The following SORCS3 variants were observed in gnomAD, a reference collection of about 807,000 sequenced individuals.
SORCS3 encodes the protein sortilin related VPS10 domain containing receptor 3.
A neutral mutation model predicts 146.3 loss-of-function variants in SORCS3; 57 were observed. The observed-to-expected ratio is 0.39, with a 90% CI of 0.31 to 0.49. The LOEUF (loss-of-function observed/expected upper bound fraction) is 0.49. Ranked by LOEUF, SORCS3 falls within the 20% of genes least tolerant of loss-of-function variation. The pLI, the probability that SORCS3 is intolerant of heterozygous loss-of-function variation, is 0.92. For synonymous variants in SORCS3, 653 were observed against 618.5 expected (o/e 1.06, Z -0.83); for missense variants, 1,341 against 1,575.5 (o/e 0.85, Z 2.52).
chr10:104,761,670 G>A (rs879779078), intron 1 of SORCS3, among the ~76,000 whole-genome samples: 1 of 152,162 alleles, frequency 6.6e-6, no homozygotes, highest in Non-Finnish European at 1.5e-5. Flanking sequence ...TTTTGAAGAT[G>A]CAAATTTCCC....
chr10:105,042,592 A>G (rs2055344909), intron 4 of SORCS3, among the ~76,000 whole-genome samples: 1 of 152,180 alleles, frequency 6.6e-6, no homozygotes, highest in Non-Finnish European at 1.5e-5. Flanking sequence ...TTGCAAAAAC[A>G]TAGGAGTGTG....
chr10:105,014,893 G>T (rs1465430299), intron 4 of SORCS3, among the ~76,000 whole-genome samples: 1 of 152,156 alleles, frequency 6.6e-6, no homozygotes, highest in Non-Finnish European at 1.5e-5. Flanking sequence ...CACTGTATCT[G>T]CTGGTATCTT....
At chr10:105,223,791 A>G (rs1380506838) in intron 20 of SORCS3, among the ~76,000 whole-genome samples, 1 of 152,140 alleles carries the variant, frequency 6.6e-6, no homozygotes, top group Non-Finnish European at 1.5e-5. Flanking sequence ...CTTGCCATAT[A>G]CTCCCTACTT....
chr10:104,845,299 C>G (rs1422432458), intron 2 of SORCS3, among the ~76,000 whole-genome samples: 1 of 152,132 alleles, frequency 6.6e-6, no homozygotes, highest in Non-Finnish European at 1.5e-5. Context: ...CACATCTAAG[C>G]TTGTAGAGAG....
chr10:104,643,150 C>G (rs1047449809), intron 1 of SORCS3, among the ~76,000 whole-genome samples: 1 of 152,188 alleles, frequency 6.6e-6, no homozygotes, highest in Admixed American at 6.5e-5. Flanking sequence ...ACGCTCCAGG[C>G]GGAGGATGAC....
chr10:104,771,001 C>T (rs1320917107), intron 1 of SORCS3, among the ~76,000 whole-genome samples: 1 of 152,156 alleles, frequency 6.6e-6, no homozygotes, highest in Non-Finnish European at 1.5e-5. Flanking sequence ...GCCTTCTAAA[C>T]TGGTGCATAT....
intron 1 of SORCS3, among the ~76,000 whole-genome samples, chr10:104,797,507 T>C (rs543848453): frequency 6.6e-6 from 1 of 152,216 alleles, no homozygotes; most frequent in Admixed American, 6.5e-5. Context: ...GGCTGATTTT[T>C]TTTTTTTTAA....
chr10:105,004,837 T>A (rs959805700), intron 4 of SORCS3, among the ~76,000 whole-genome samples: 1 of 151,486 alleles, frequency 6.6e-6, no homozygotes, highest in Non-Finnish European at 1.5e-5. Context: ...GGGGAGTGCA[T>A]CGAGAATGCA....
intron 1 of SORCS3, among the ~76,000 whole-genome samples, chr10:104,754,857 G>C (rs929772281): frequency 2.0e-5 from 3 of 152,212 alleles, no homozygotes; most frequent in Admixed American, 6.5e-5. Flanking sequence ...AGTCATTAGA[G>C]GATGGCAATT....
chr10:104,964,881 C>T (rs946143714), intron 3 of SORCS3, among the ~76,000 whole-genome samples: 2 of 152,150 alleles, frequency 1.3e-5, no homozygotes, highest in African/African-American at 2.4e-5. Flanking sequence ...TTTCTCTCTC[C>T]GCCTAGCCTT....
At chr10:104,728,238 G>T (rs1283417095) in intron 1 of SORCS3, among the ~76,000 whole-genome samples, 2 of 151,968 alleles carry the variant, frequency 1.3e-5, no homozygotes, top group African/African-American at 2.4e-5. Context: ...ATGCTTAGAA[G>T]TAGAATTTCT....
At chr10:104,847,799 A>G (rs1468411808) in intron 2 of SORCS3, among the ~76,000 whole-genome samples, 2 of 152,122 alleles carry the variant, frequency 1.3e-5, no homozygotes, top group East Asian at 3.9e-4. Flanking sequence ...CACCCACCCT[A>G]GTAGTATGGG....
intron 6 of SORCS3, among the ~76,000 whole-genome samples, chr10:105,099,470 CG>C (rs749095233): frequency 6.6e-5 from 10 of 152,104 alleles, no homozygotes; most frequent in East Asian, 5.8e-4. Flanking sequence ...AACATAATCA[CG>C]GGACACCATG....
intron 1 of SORCS3, among the ~76,000 whole-genome samples, chr10:104,778,326 A>G (rs2017336254): frequency 2.0e-5 from 3 of 152,190 alleles, no homozygotes. Flanking sequence ...CTCTGCTTCA[A>G]AGGTGCTTCT....
chr10:104,758,767 T>C (rs979416184), intron 1 of SORCS3, among the ~76,000 whole-genome samples: 2 of 152,106 alleles, frequency 1.3e-5, no homozygotes, highest in African/African-American at 4.8e-5. Flanking sequence ...TTTTAGTCCT[T>C]CTCCCAAGCA....
At chr10:105,226,420 G>A (rs988355586) in intron 20 of SORCS3, among the ~76,000 whole-genome samples, 12 of 151,834 alleles carry the variant, frequency 7.9e-5, no homozygotes, top group African/African-American at 2.9e-4. Context: ...TGATCTTGAT[G>A]TATATTTTTT....
chr10:105,126,412 A>G (rs1304229647), intron 7 of SORCS3, among the ~76,000 whole-genome samples: 1 of 152,134 alleles, frequency 6.6e-6, no homozygotes, highest in Non-Finnish European at 1.5e-5. Flanking sequence ...GTTATGTAGA[A>G]CAATTCAGCC....
intron 14 of SORCS3, among the ~76,000 whole-genome samples, chr10:105,181,861 A>G (rs2056444761): frequency 1.3e-5 from 2 of 152,188 alleles, no homozygotes; most frequent in Non-Finnish European, 2.9e-5. Context: ...TCTTTGGTCC[A>G]CTATTTCATG....
rs939293149 is a variant in SORCS3 at position 105,034,012 on chromosome 10, G to A, written c.955-9043G>A. On this transcript the variant is annotated intron_variant, in intron 4 of 26. Coordinates refer to ENST00000369701, the MANE Select transcript of SORCS3 (RefSeq NM_014978.3). Reference sequence around the variant, plus strand: ...TGAACATCTGCTCTTCCCATACCTGGCACAGTATTAAGCACTTGGGGTTAT... The same window carrying A: ...TGAACATCTGCTCTTCCCATACCTGACACAGTATTAAGCACTTGGGGTTAT... 4.6e-5 allele frequency among the ~76,000 whole-genome samples: 7 copies of A among 152,116 alleles called. 1 individual carries two copies. Among genetic ancestry groups the A allele is most frequent in the Admixed American group, 2.0e-4 (3 of 15,278 alleles).
Sources: gnomAD v4.1 joint callset for allele counts (sites outside exome capture counted in the v4.1 genomes callset) on GRCh38, gnomAD v4.1.1 for gene constraint, MANE v1.5 for transcripts, NCBI Gene and HGNC (gene_info 2026-07-23, HGNC 2026-07-21) for gene names.